RGS8: variants seen among roughly 807,000 people sequenced by gnomAD.
RGS8 encodes regulator of G-protein signaling 8.
A neutral mutation model predicts 21.7 loss-of-function variants in RGS8; 8 were observed. The observed-to-expected ratio is 0.37, with a 90% CI of 0.22 to 0.66. The LOEUF (loss-of-function observed/expected upper bound fraction) is 0.66. Among genes scored for constraint, RGS8 ranks in the 30% least tolerant of loss-of-function variants. The probability of loss-of-function intolerance (pLI) is 0.59; values close to 1 mark genes in which losing one functional copy is unlikely to be tolerated. For missense variants in RGS8, 157 were observed against 217.9 expected, an observed-to-expected ratio of 0.72 and a Z score of 1.76; for synonymous variants, 80 against 83.6, an observed-to-expected ratio of 0.96 and a Z score of 0.24.
At chr1:182,680,040 G>A (rs938446911) in intron 1 of RGS8, among the ~76,000 whole-genome samples, 3 of 151,924 alleles carry the variant, frequency 2.0e-5, no homozygotes, top group African/African-American at 7.3e-5. Flanking sequence ...CTCCATCCTC[G>A]CTACCACTGC....
chr1:182,707,748 C>A, the RGS8 span, among the ~76,000 whole-genome samples: 2 of 152,092 alleles, frequency 1.3e-5, no homozygotes, highest in East Asian at 3.9e-4. Flanking sequence ...GCTCTGTCGC[C>A]CAGGCTGGAG....
At chr1:182,656,851 C>A (rs775608233) in intron 5 of RGS8, among the ~76,000 whole-genome samples, 1 of 152,204 alleles carries the variant, frequency 6.6e-6, no homozygotes, top group Non-Finnish European at 1.5e-5. Flanking sequence ...AAGGCTTGTG[C>A]AGACTGCACC....
At chr1:182,721,063 G>A in the RGS8 span, among the ~76,000 whole-genome samples, 10 of 72,608 alleles carry the variant, frequency 1.4e-4, 1 homozygote, top group East Asian at 1.7e-3. Context: ...ATATATGTGT[G>A]TATATATACA....
chr1:182,651,763 G>A (rs3845459), intron 5 of RGS8, among the ~76,000 whole-genome samples: 102,600 of 152,086 alleles, frequency 0.67, 35,366 homozygotes, highest in Non-Finnish European at 0.75. Flanking sequence ...CCCACTGCTT[G>A]TAGGAGGGAC....
At chr1:182,687,641 T>A (rs1053377921), upstream of RGS8, among the ~76,000 whole-genome samples, 4 of 152,150 alleles carry the variant, frequency 2.6e-5, no homozygotes, top group African/African-American at 9.7e-5. Flanking sequence ...CACTAGGCTG[T>A]CAAAACAACA....
chr1:182,722,747 C>T, the RGS8 span, among the ~76,000 whole-genome samples: 4 of 151,936 alleles, frequency 2.6e-5, no homozygotes, highest in East Asian at 7.7e-4. Flanking sequence ...GAGTCTGAGG[C>T]GGGTGGATCA....
chr1:182,659,664 A>C (rs1663486806), intron 5 of RGS8, among the ~76,000 whole-genome samples: 2 of 152,048 alleles, frequency 1.3e-5, no homozygotes, highest in Non-Finnish European at 1.5e-5. Context: ...GTGCCACTGC[A>C]CTCCAGCTTG....
chr1:182,644,187 G>T (rs1363288755), downstream of RGS8: 2 of 152,214 alleles, frequency 1.3e-5, no homozygotes, highest in Non-Finnish European at 2.9e-5. Flanking sequence ...ACCAAAATCT[G>T]GGTTGGCACG....
chr1:182,725,582 T>A, the RGS8 span, among the ~76,000 whole-genome samples: 1 of 152,184 alleles, frequency 6.6e-6, no homozygotes, highest in Non-Finnish European at 1.5e-5. Flanking sequence ...AGTCACTTCC[T>A]ATGAGGAGCC....
chr1:182,746,633 T>C, the RGS8 span, among the ~76,000 whole-genome samples: 13 of 146,252 alleles, frequency 8.9e-5, no homozygotes, highest in African/African-American at 3.3e-4. Context: ...GCCTGGGCAA[T>C]AGAGTAAGAC....
chr1:182,734,007 G>A, the RGS8 span, among the ~76,000 whole-genome samples: 44 of 151,718 alleles, frequency 2.9e-4, no homozygotes, highest in South Asian at 3.1e-3. Context: ...TGCAACCTCC[G>A]CCTCCCACAG....
At chr1:182,709,151 C>A in the RGS8 span, among the ~76,000 whole-genome samples, 1 of 152,136 alleles carries the variant, frequency 6.6e-6, no homozygotes, top group African/African-American at 2.4e-5. Flanking sequence ...CCCATTAGAG[C>A]ACTGTCCACC....
the RGS8 span, among the ~76,000 whole-genome samples, chr1:182,741,382 G>A: frequency 1.5e-5 from 2 of 136,670 alleles, no homozygotes; most frequent in African/African-American, 2.7e-5. Context: ...CCTCCCTCCC[G>A]GACGGGGCGG....
the RGS8 span, among the ~76,000 whole-genome samples, chr1:182,728,669 A>T: frequency 6.6e-6 from 1 of 152,242 alleles, no homozygotes; most frequent in African/African-American, 2.4e-5. Context: ...AACAAAGAAA[A>T]TCAACAGAAG....
At chr1:182,672,845 T>G, upstream of RGS8, 5 of 1,614,182 alleles carry the variant, frequency 3.1e-6, no homozygotes, top group Non-Finnish European at 4.2e-6. Flanking sequence ...ACTGCCTGCT[T>G]CAGTTCCAGA....
chr1:182,734,570 T>G, the RGS8 span: 8 of 152,256 alleles, frequency 5.3e-5, no homozygotes, highest in Non-Finnish European at 1.0e-4. Context: ...TTGATCCCAA[T>G]ACTTTTTCAT....
chr1:182,723,169 C>A, the RGS8 span, among the ~76,000 whole-genome samples: 1 of 152,046 alleles, frequency 6.6e-6, no homozygotes, highest in African/African-American at 2.4e-5. Flanking sequence ...CAATTATATA[C>A]CCCCAAACTT....
chr1:182,674,065 C>G (rs938401622), upstream of RGS8, among the ~76,000 whole-genome samples: 1 of 152,224 alleles, frequency 6.6e-6, no homozygotes, highest in Admixed American at 6.5e-5. Flanking sequence ...AGCACCAAAC[C>G]TGATGCTTCC....
chr1:182,712,943 A>G, the RGS8 span: 1 of 152,154 alleles, frequency 6.6e-6, no homozygotes, highest in Admixed American at 6.6e-5. Context: ...AAACTAAAGT[A>G]TTTCACCTAC....
Sources: allele counts gnomAD v4.1 joint callset (sites outside exome capture counted in the v4.1 genomes callset), GRCh38; gene constraint gnomAD v4.1.1; transcripts MANE v1.5; gene names NCBI Gene and HGNC (gene_info 2026-07-23, HGNC 2026-07-21).